ACSL3: variants seen among roughly 807,000 people sequenced by gnomAD.
The protein encoded by ACSL3 is acyl-CoA synthetase long chain family member 3.
A neutral mutation model predicts 84.7 loss-of-function variants in ACSL3; 34 were observed. The ratio of observed to expected loss-of-function variants is 0.40; its 90% CI spans 0.31 to 0.53. ACSL3 has a LOEUF of 0.53. ACSL3 is among the 20% of genes least tolerant of loss of function. The probability of loss-of-function intolerance (pLI) is 0.48; values close to 1 mark genes in which losing one functional copy is unlikely to be tolerated. For synonymous variants in ACSL3, 315 were observed against 299.4 expected (o/e 1.05, Z -0.54); for missense variants, 680 against 873.1 (o/e 0.78, Z 2.79).
chr2:222,878,721 G>A (rs1695518992), intron 1 of ACSL3, among the ~76,000 whole-genome samples: 1 of 152,062 alleles, frequency 6.6e-6, no homozygotes, highest in South Asian at 2.1e-4. Flanking sequence ...TTAACATCCA[G>A]CCCTATATTT....
chr2:222,917,957 G>A, intron 5 of ACSL3, 89 bp from the exon 6 acceptor site: 1 of 922,228 alleles, frequency 1.1e-6, no homozygotes, highest in Non-Finnish European at 1.7e-6. Context: ...GGCTCCTAAT[G>A]CGTTATTATG....
intron 1 of ACSL3, among the ~76,000 whole-genome samples, chr2:222,863,570 C>G (rs942153362): frequency 1.3e-5 from 2 of 152,100 alleles, no homozygotes; most frequent in Non-Finnish European, 2.9e-5. Context: ...GAGTAAGACT[C>G]TTTTATGTGA....
At chr2:222,917,379 G>C (rs1468112563) in intron 5 of ACSL3, 1 of 152,238 alleles carries the variant, frequency 6.6e-6, no homozygotes, top group Non-Finnish European at 1.5e-5. Flanking sequence ...GTGAGCCACC[G>C]TGCTAGGCCT....
At chr2:222,926,926 C>T in intron 11 of ACSL3, 91 bp from the exon 12 acceptor site, 2 of 1,364,326 alleles carry the variant, frequency 1.5e-6, no homozygotes, top group Non-Finnish European at 2.0e-6. Context: ...ATCTCAAAAT[C>T]TCTCATATCA....
intron 1 of ACSL3, among the ~76,000 whole-genome samples, chr2:222,882,617 C>G (rs1300395527): frequency 6.6e-6 from 1 of 152,102 alleles, no homozygotes; most frequent in African/African-American, 2.4e-5. Flanking sequence ...GCTGTTCTGA[C>G]AGGAGGCAGA....
intron 1 of ACSL3, among the ~76,000 whole-genome samples, chr2:222,874,596 C>T (rs1695398198): frequency 6.6e-6 from 1 of 151,436 alleles, no homozygotes. Context: ...TTATTTGAGC[C>T]TGGGAGTTCA....
At position 222,922,841 on chromosome 2, in the gene ACSL3, G is replaced by A. The variant is rs11891410; in HGVS notation, c.1080+10G>A. On this transcript the variant is annotated intron_variant, in intron 9 of 16. Transcript: ENST00000357430. ...GACTTTAGCAGATCAGGTAAGTTCA[G>A]TGTCTGTGACTTGAAATACTAAAAA... 1,288,584 of 1,613,368 alleles carry A rather than the reference G, an allele frequency of 0.8. 517,740 individuals are homozygous for A. The highest frequency in any genetic ancestry group is 0.98 in the East Asian group (44,066 of 44,886).
intron 2 of ACSL3, among the ~76,000 whole-genome samples, chr2:222,888,782 C>T (rs189304786): frequency 5.9e-5 from 9 of 152,230 alleles, no homozygotes; most frequent in South Asian, 4.1e-4. Context: ...GCTTTGTTTG[C>T]GACGCTTTGT....
chr2:222,937,520 C>T (rs1697205898), intron 16 of ACSL3, among the ~76,000 whole-genome samples: 1 of 151,798 alleles, frequency 6.6e-6, no homozygotes, highest in Non-Finnish European at 1.5e-5. Flanking sequence ...GTTATATCAT[C>T]CTGGAGAATT....
At chr2:222,917,875 G>A in intron 5 of ACSL3, 171 bp from the exon 6 acceptor site, 1 of 417,572 alleles carries the variant, frequency 2.4e-6, no homozygotes, top group Non-Finnish European at 4.2e-6. Context: ...ATGAGTAGGT[G>A]TAATGTTGAT....
chr2:222,942,847 A>G lies in ACSL3; in HGVS notation c.*1193A>G. 1 of 222,002 alleles carries G rather than the reference A, an allele frequency of 4.5e-6. No homozygotes were observed. The highest frequency in any genetic ancestry group is 6.7e-5 in the East Asian group (1 of 15,026). The allele number at this position is 222,002 out of a possible 1,614,324, so 13.8% of individuals were successfully genotyped here. On this transcript the variant is annotated 3_prime_UTR_variant, in exon 17 of 17. Coordinates refer to ENST00000357430, the MANE Select transcript of ACSL3 (RefSeq NM_004457.5). ...TTATAACCGCGTGAGTTAAGATTTA[A>G]TTCATAGGTTTTGATGTCATTGTTG...
At chr2:222,912,777 A>G (rs891115359) in intron 4 of ACSL3, among the ~76,000 whole-genome samples, 2 of 152,182 alleles carry the variant, frequency 1.3e-5, no homozygotes, top group African/African-American at 2.4e-5. Context: ...CAGCTTCACT[A>G]CGACCAGATT....
At chr2:222,933,384 CCTAT>C (rs1021814476) in intron 15 of ACSL3, 104 bp downstream of exon 15, 2 of 756,738 alleles carry the variant, frequency 2.6e-6, no homozygotes, top group Non-Finnish European at 4.1e-6. Context: ...GAGAACTCTT[CCTAT>C]CTGTTACTTG....
chr2:222,866,265 C>G (rs1275383197), intron 1 of ACSL3, among the ~76,000 whole-genome samples: 3 of 152,122 alleles, frequency 2.0e-5, no homozygotes, highest in Admixed American at 6.5e-5. Context: ...CCTGCCTCAG[C>G]CTCCTGAGTA....
At chr2:222,914,444 T>A (rs1211357186) in intron 4 of ACSL3, among the ~76,000 whole-genome samples, 1 of 152,130 alleles carries the variant, frequency 6.6e-6, no homozygotes, top group Non-Finnish European at 1.5e-5. Context: ...TACACTTTTT[T>A]AGACATGGGG....
chr2:222,938,091 C>T (rs1697222936), intron 16 of ACSL3, among the ~76,000 whole-genome samples: 1 of 152,060 alleles, frequency 6.6e-6, no homozygotes, highest in Non-Finnish European at 1.5e-5. Context: ...CTCTGCTCCT[C>T]CCTCAAAAAA....
Position 222,925,873 on chromosome 2 carries a change from A to G in ACSL3, c.1293-1144A>G, listed in dbSNP as rs537597805. 4.6e-5 allele frequency among the ~76,000 whole-genome samples: 7 copies of G among 152,326 alleles called. No homozygotes were observed. In the South Asian group the frequency reaches 1.0e-3, roughly 23 times the overall value. The stretch of plus-strand genomic sequence containing the variant: ...TGTGTAGTGTTAATAGAGTACATAG[A>G]TTTATGATTTGATCATAAAATAGCT... On this transcript the variant is annotated intron_variant, in intron 11 of 16. Coordinates refer to ENST00000357430, the MANE Select transcript of ACSL3 (RefSeq NM_004457.5).
At chr2:222,889,783 C>G (rs1249742069) in intron 2 of ACSL3, among the ~76,000 whole-genome samples, 3 of 152,148 alleles carry the variant, frequency 2.0e-5, no homozygotes, top group Non-Finnish European at 4.4e-5. Flanking sequence ...TCTGTGTCTT[C>G]TGTTTTTAAG....
At chr2:222,914,643 G>A (rs934257471) in intron 4 of ACSL3, among the ~76,000 whole-genome samples, 7 of 152,176 alleles carry the variant, frequency 4.6e-5, no homozygotes, top group Non-Finnish European at 7.3e-5. Flanking sequence ...ATGTATGATA[G>A]GATTGCTTCA....
Sources: allele counts gnomAD v4.1 joint callset (sites outside exome capture counted in the v4.1 genomes callset), GRCh38; gene constraint gnomAD v4.1.1; transcripts MANE v1.5; gene names NCBI Gene and HGNC (gene_info 2026-07-23, HGNC 2026-07-21).